Variants in IFT80 observed in about 807,000 individuals in gnomAD.
IFT80 encodes intraflagellar transport 80.
In IFT80, 79 loss-of-function variants were observed where a neutral mutation model predicts 107.9. That is an observed-to-expected ratio of 0.73 (90% CI 0.61 to 0.88). The LOEUF (loss-of-function observed/expected upper bound fraction) is 0.88, where lower values mean the gene tolerates loss of function less well. Ranked by LOEUF, IFT80 falls within the 40% of genes least tolerant of loss-of-function variation. The pLI, the probability that IFT80 is intolerant of heterozygous loss-of-function variation, is 0.00. For missense variants in IFT80, 797 were observed against 914.2 expected (o/e 0.87, Z 1.65); for synonymous variants, 299 against 300.9 (o/e 0.99, Z 0.07).
chr3:160,295,875 T>G (rs891705092), intron 12 of IFT80, among the ~76,000 whole-genome samples: 2 of 152,216 alleles, frequency 1.3e-5, no homozygotes, highest in Admixed American at 6.5e-5. Context: ...ACGGACATTA[T>G]GCTAACTGAA....
At chr3:160,296,152 A>G (rs1715964065) in intron 12 of IFT80, among the ~76,000 whole-genome samples, 1 of 152,160 alleles carries the variant, frequency 6.6e-6, no homozygotes, top group Non-Finnish European at 1.5e-5. Context: ...AAAAAGGTAG[A>G]TCTCATGTTA....
intron 5 of IFT80, among the ~76,000 whole-genome samples, chr3:160,371,614 T>C (rs987370781): frequency 6.6e-6 from 1 of 152,106 alleles, no homozygotes; most frequent in Non-Finnish European, 1.5e-5. Context: ...GGCTAACTTT[T>C]GTATTTTTTG....
intron 19 of IFT80, among the ~76,000 whole-genome samples, chr3:160,265,402 C>T (rs1480379410): frequency 6.6e-6 from 1 of 152,190 alleles, no homozygotes; most frequent in Admixed American, 6.5e-5. Flanking sequence ...AAATCCTGCT[C>T]ATGAGTTTGA....
intron 2 of IFT80, chr3:160,384,007 G>A: frequency 1.2e-6 from 1 of 865,828 alleles, no homozygotes; most frequent in Non-Finnish European, 1.4e-6. Flanking sequence ...CACTTTGGGA[G>A]GCTGGGGCGG....
chr3:160,365,581 C>T (rs1721808724), intron 6 of IFT80, among the ~76,000 whole-genome samples: 1 of 152,010 alleles, frequency 6.6e-6, no homozygotes. Context: ...ATATTGAGTG[C>T]TTACTGTATG....
intron 9 of IFT80, among the ~76,000 whole-genome samples, chr3:160,313,393 C>A (rs902814716): frequency 1.7e-4 from 26 of 151,632 alleles, no homozygotes; most frequent in Non-Finnish European, 3.7e-4. Context: ...ATTGTAGAGG[C>A]CTCTAACATT....
intron 1 of IFT80, among the ~76,000 whole-genome samples, chr3:160,392,419 T>C (rs1713455297): frequency 6.6e-6 from 1 of 152,222 alleles, no homozygotes; most frequent in South Asian, 2.1e-4. Context: ...CAACTCTATT[T>C]GAATGTCTAA....
In IFT80 at chr3:160,397,665, C is replaced by T. The variant is rs1408296783; in HGVS notation, c.-47+1481G>A. Among the ~76,000 whole-genome samples, 8 of 151,662 alleles carry T rather than the reference C, an allele frequency of 5.3e-5. No homozygotes were observed. In the East Asian group the frequency reaches 1.6e-3, roughly 29 times the overall value. On this transcript the variant is annotated intron_variant, in intron 1 of 19. Transcript: ENST00000326448. Reference sequence around the variant, plus strand: ...ATTCTGTTTTCTATATTACATCTTTCCACTACATTGTGCTCTGTTGCCCCA... The same window carrying T: ...ATTCTGTTTTCTATATTACATCTTTTCACTACATTGTGCTCTGTTGCCCCA...
At chr3:160,347,444 C>T (rs1450642720) in intron 8 of IFT80, among the ~76,000 whole-genome samples, 3 of 152,052 alleles carry the variant, frequency 2.0e-5, no homozygotes, top group Non-Finnish European at 4.4e-5. Context: ...TGACACCATA[C>T]CTCTTCTGCT....
chr3:160,271,600 G>A (rs887395768), intron 18 of IFT80, among the ~76,000 whole-genome samples: 1 of 152,004 alleles, frequency 6.6e-6, no homozygotes, highest in African/African-American at 2.4e-5. Flanking sequence ...ACCTTATTAG[G>A]TTGCAGGCAA....
chr3:160,385,190 A>C (rs1712829851), intron 1 of IFT80, among the ~76,000 whole-genome samples: 1 of 152,234 alleles, frequency 6.6e-6, no homozygotes, highest in East Asian at 1.9e-4. Flanking sequence ...AGGAAGAGGT[A>C]ATAAATTGCT....
At chr3:160,268,743 C>T in intron 18 of IFT80, 1 of 540,678 alleles carries the variant, frequency 1.8e-6, no homozygotes, top group Non-Finnish European at 3.3e-6. Flanking sequence ...CCCTGACCAG[C>T]TCTTCTTGTA....
chr3:160,375,305 T>G (rs905479964), intron 5 of IFT80, among the ~76,000 whole-genome samples: 19 of 152,126 alleles, frequency 1.2e-4, no homozygotes, highest in African/African-American at 4.1e-4. Flanking sequence ...CATAAAAAAT[T>G]AAGATGCTCC....
At chr3:160,298,536 A>G (rs1279415750) in intron 12 of IFT80, among the ~76,000 whole-genome samples, 1 of 152,192 alleles carries the variant, frequency 6.6e-6, no homozygotes, top group African/African-American at 2.4e-5. Context: ...TCTATCAATT[A>G]TCAATGGATT....
intron 5 of IFT80, among the ~76,000 whole-genome samples, chr3:160,367,012 T>C (rs1483694746): frequency 6.6e-6 from 1 of 152,080 alleles, no homozygotes; most frequent in Non-Finnish European, 1.5e-5. Flanking sequence ...CACAAATAAG[T>C]GAGAACATGC....
intron 9 of IFT80, among the ~76,000 whole-genome samples, chr3:160,318,727 A>G (rs1370130372): frequency 6.6e-6 from 1 of 152,058 alleles, no homozygotes. Flanking sequence ...CTGAGGATAC[A>G]CTATACCAAA....
chr3:160,312,897 T>TAATATATAATAAATATATATTATATATA (rs1199296166), intron 9 of IFT80, among the ~76,000 whole-genome samples: 1 of 24,398 alleles, frequency 4.1e-5, no homozygotes, highest in Non-Finnish European at 7.5e-5. Context: ...TATAAATATA[T>TAATATATAATAAATATATATTATATATA]AATATATAAT....
chr3:160,319,893 A>G lies in IFT80; in HGVS notation c.824T>C (p.Ile275Thr). The G allele has an allele frequency of 6.2e-7, 1 of 1,612,528 alleles. No individual in the cohort carries two copies. Residue 275 changes from isoleucine (I) to threonine (T), a missense_variant, in exon 9 of 20, where the codon ATT becomes ACT. Coordinates refer to ENST00000326448, the MANE Select transcript of IFT80 (RefSeq NM_020800.3). ...EKPNTGSIFNIAWSIDGTQIA... is the reference protein window; with the variant it reads ...EKPNTGSIFNTAWSIDGTQIA... The stretch of plus-strand genomic sequence containing the variant: ...CTGAGTGCCATCGATAGACCATGCA[A>G]TATTAAATATGCTGCCAGTGTTGGG...
Position 160,339,107 on chromosome 3 carries a change from T to C in IFT80, c.777+16906A>G, listed in dbSNP as rs891086966. ...GAATATTGATAATGTTCTTTATTAA[T>C]ATGGGTGGTGGTTTCTTGGATATTT... On this transcript the variant is annotated intron_variant, in intron 8 of 19. Transcript: ENST00000326448. Among the ~76,000 whole-genome samples the C allele has an allele frequency of 2.6e-4, 39 of 152,176 alleles. 1 individual carries two copies. Among genetic ancestry groups the C allele is most frequent in the African/African-American group, 9.4e-4 (39 of 41,456 alleles).
Sources: allele counts gnomAD v4.1 joint callset (sites outside exome capture counted in the v4.1 genomes callset), GRCh38; gene constraint gnomAD v4.1.1; transcripts MANE v1.5; gene names NCBI Gene and HGNC (gene_info 2026-07-23, HGNC 2026-07-21).